Variants in NRP1 observed in about 807,000 individuals in gnomAD.
NRP1 encodes neuropilin 1, also known as neuropilin-1.
NRP1 carries 35 observed loss-of-function variants against 106.7 expected under a neutral mutation model. The observed-to-expected ratio is 0.33, with a 90% CI of 0.25 to 0.43. The LOEUF is 0.43. Among genes scored for constraint, NRP1 ranks in the 20% least tolerant of loss-of-function variants. NRP1 has a pLI of 1.00. For synonymous variants in NRP1, 437 were observed against 417.9 expected, an observed-to-expected ratio of 1.05 and a Z score of -0.56; for missense variants, 1,024 against 1,170.4, an observed-to-expected ratio of 0.87 and a Z score of 1.83.
In NRP1 at chr10:33,192,366, G is replaced by A. The variant is rs769316420; in HGVS notation, c.1977C>T (p.Thr659=). The change falls in exon 13 of 17, where the codon ACC becomes ACT. Residue 659 remains threonine, a synonymous_variant. Coordinates refer to ENST00000374867, the MANE Select transcript of NRP1 (RefSeq NM_003873.7). Reference sequence around the variant, plus strand: ...GATTGTCATGTTCCCAGTGGCAGAAGGTCTTGTGAGAGCCCCAGCCAAATT... The same window carrying A: ...GATTGTCATGTTCCCAGTGGCAGAAAGTCTTGTGAGAGCCCCAGCCAAATT... ...NCEFGWGSHK[T]FCHWEHDNHV... is the part of the protein sequence containing the mutation. 1.2e-6 allele frequency: 2 copies of A among 1,613,930 alleles called. No homozygotes were observed. Among genetic ancestry groups the A allele is most frequent in the Middle Eastern group, 1.7e-4 (1 of 6,058 alleles).
At chr10:33,262,998 G>C (rs1842677412) in intron 4 of NRP1, among the ~76,000 whole-genome samples, 1 of 152,148 alleles carries the variant, frequency 6.6e-6, no homozygotes, top group South Asian at 2.1e-4. Flanking sequence ...CATGACAGAT[G>C]CTCAGGAAAT....
At chr10:33,204,375 GC>G (rs1260443535) in intron 10 of NRP1, among the ~76,000 whole-genome samples, 3 of 152,238 alleles carry the variant, frequency 2.0e-5, no homozygotes, top group Non-Finnish European at 4.4e-5. Flanking sequence ...TAACATACAT[GC>G]CACTCAGGCC....
intron 13 of NRP1, among the ~76,000 whole-genome samples, chr10:33,191,514 T>C (rs1388880806): frequency 6.6e-6 from 1 of 152,194 alleles, no homozygotes; most frequent in Non-Finnish European, 1.5e-5. Context: ...ACATAATATA[T>C]GCTTGGACTT....
At chr10:33,276,235 C>A (rs562355324) in intron 2 of NRP1, among the ~76,000 whole-genome samples, 1 of 152,126 alleles carries the variant, frequency 6.6e-6, no homozygotes, top group Non-Finnish European at 1.5e-5. Flanking sequence ...CAAATCAATA[C>A]CTGTTTGCCT....
At chr10:33,203,206 A>G (rs1313938534) in intron 10 of NRP1, among the ~76,000 whole-genome samples, 2 of 152,238 alleles carry the variant, frequency 1.3e-5, no homozygotes, top group Non-Finnish European at 2.9e-5. Flanking sequence ...TTTGATTCGT[A>G]TCTGCCGAGT....
At chr10:33,221,169 C>T (rs1398732503) in intron 8 of NRP1, among the ~76,000 whole-genome samples, 2 of 152,044 alleles carry the variant, frequency 1.3e-5, no homozygotes, top group East Asian at 1.9e-4. Context: ...TATGATCATG[C>T]CACTGCACTG....
intron 2 of NRP1, among the ~76,000 whole-genome samples, chr10:33,272,201 C>T (rs1028111892): frequency 6.6e-6 from 1 of 152,212 alleles, no homozygotes; most frequent in Non-Finnish European, 1.5e-5. Flanking sequence ...AAGTGGACAG[C>T]TTAAGGCTCT....
intron 10 of NRP1, among the ~76,000 whole-genome samples, chr10:33,205,290 C>T (rs1373819081): frequency 6.6e-6 from 1 of 152,204 alleles, no homozygotes; most frequent in East Asian, 1.9e-4. Flanking sequence ...GCAATGTCCT[C>T]ACTTTTGTGA....
chr10:33,322,964 G>T (rs1045301151), intron 2 of NRP1, among the ~76,000 whole-genome samples: 1 of 152,142 alleles, frequency 6.6e-6, no homozygotes, highest in Admixed American at 6.5e-5. Context: ...ATTTATTTGG[G>T]TTCTGTTCAT....
chr10:33,286,546 G>T (rs991280663), intron 2 of NRP1, among the ~76,000 whole-genome samples: 8 of 152,196 alleles, frequency 5.3e-5, no homozygotes, highest in African/African-American at 1.9e-4. Flanking sequence ...AGGGCAGAAT[G>T]AAGGGCTGAT....
At chr10:33,258,591 T>G (rs1842359340) in intron 4 of NRP1, among the ~76,000 whole-genome samples, 4 of 152,222 alleles carry the variant, frequency 2.6e-5, no homozygotes, top group African/African-American at 2.4e-5. Flanking sequence ...TATATTCGAC[T>G]TCTCAGTTGG....
At chr10:33,312,122 T>C (rs1846647373) in intron 2 of NRP1, among the ~76,000 whole-genome samples, 1 of 152,238 alleles carries the variant, frequency 6.6e-6, no homozygotes, top group Admixed American at 6.5e-5. Context: ...TTTTAGGTCC[T>C]GTTTACATTT....
chr10:33,321,384 A>G (rs1847496673), intron 2 of NRP1, among the ~76,000 whole-genome samples: 1 of 152,378 alleles, frequency 6.6e-6, no homozygotes, highest in South Asian at 2.1e-4. Context: ...TAAAAAGGAC[A>G]GACAACTATG....
At chr10:33,298,826 C>T (rs900581490) in intron 2 of NRP1, among the ~76,000 whole-genome samples, 1 of 152,110 alleles carries the variant, frequency 6.6e-6, no homozygotes, top group Non-Finnish European at 1.5e-5. Context: ...CCGTAGACAC[C>T]ACACGAATTC....
chr10:33,236,966 CCTTTTTTTTCTT>C (rs1840605237), intron 6 of NRP1, among the ~76,000 whole-genome samples: 1 of 152,088 alleles, frequency 6.6e-6, no homozygotes, highest in Admixed American at 6.6e-5. Flanking sequence ...GCAATTAAGA[CCTTTTTTTTCTT>C]CTTTTTTTTT....
At chr10:33,258,958 T>C (rs1842388484) in intron 4 of NRP1, among the ~76,000 whole-genome samples, 1 of 152,188 alleles carries the variant, frequency 6.6e-6, no homozygotes, top group Admixed American at 6.5e-5. Flanking sequence ...CTTCATGATG[T>C]TTTTTCTTTA....
At chr10:33,186,047 G>C (rs140589026) in intron 14 of NRP1, among the ~76,000 whole-genome samples, 170 bp downstream of exon 14, 1 of 152,312 alleles carries the variant, frequency 6.6e-6, no homozygotes, top group African/African-American at 2.4e-5. Flanking sequence ...CAATCTAGGA[G>C]ACTGTGAAAT....
chr10:33,330,797 T>C lies in NRP1; in HGVS notation c.159A>G (p.Lys53=). 1 of 1,613,586 alleles carries C rather than the reference T, an allele frequency of 6.2e-7. No individual in the cohort carries two copies. The change falls in exon 2 of 17, where the codon AAA becomes AAG. Residue 53 remains lysine, a synonymous_variant. Transcript: ENST00000374867. ...CCGGAGCCTGAATCAGCCATTCGCATTTTTCACTTGGGTGATAAGAATGAG... is the reference window on the plus strand; with the variant it reads ...CCGGAGCCTGAATCAGCCATTCGCACTTTTCACTTGGGTGATAAGAATGAG... The part of the protein sequence containing the change: ...GYPHSYHPSE[K]CEWLIQAPDP...
chr10:33,259,018 C>A (rs985683691), intron 4 of NRP1, among the ~76,000 whole-genome samples: 1 of 152,122 alleles, frequency 6.6e-6, no homozygotes, highest in Non-Finnish European at 1.5e-5. Context: ...GTCCTCTGAT[C>A]GCCACAGCCG....
Sources: gnomAD v4.1 joint callset for allele counts (sites outside exome capture counted in the v4.1 genomes callset) on GRCh38, gnomAD v4.1.1 for gene constraint, MANE v1.5 for transcripts, NCBI Gene and HGNC (gene_info 2026-07-23, HGNC 2026-07-21) for gene names.